SLC44A5: variants seen among roughly 807,000 people sequenced by gnomAD.
SLC44A5 encodes solute carrier family 44 member 5.
SLC44A5 carries 57 observed loss-of-function variants against 101.8 expected under a neutral mutation model. The observed-to-expected ratio is 0.56, with a 90% CI of 0.45 to 0.70. The LOEUF is 0.70. SLC44A5 is among the 30% of genes least tolerant of loss of function. The probability of loss-of-function intolerance (pLI) is 0.00; values close to 1 mark genes in which losing one functional copy is unlikely to be tolerated. For missense variants in SLC44A5, 737 were observed against 853.1 expected, an observed-to-expected ratio of 0.86 and a Z score of 1.70; for synonymous variants, 281 against 290.9, an observed-to-expected ratio of 0.97 and a Z score of 0.35.
intron 18 of SLC44A5, among the ~76,000 whole-genome samples, chr1:75,216,740 A>G (rs777399568): frequency 1.3e-5 from 2 of 151,948 alleles, no homozygotes; most frequent in Non-Finnish European, 2.9e-5. Context: ...CTCATTGGCC[A>G]TTTGTATATC....
At chr1:75,288,030 C>T (rs1653213970) in intron 5 of SLC44A5, among the ~76,000 whole-genome samples, 1 of 152,120 alleles carries the variant, frequency 6.6e-6, no homozygotes, top group South Asian at 2.1e-4. Flanking sequence ...TGGATGGGGC[C>T]ATGGAGCTTC....
At chr1:75,714,783 T>TGTC in the SLC44A5 span, among the ~76,000 whole-genome samples, 1 of 151,844 alleles carries the variant, frequency 6.6e-6, no homozygotes, top group Non-Finnish European at 1.5e-5. Context: ...TTCAAGCAAT[T>TGTC]CTGCCTCAGC....
chr1:75,285,967 G>T lies in SLC44A5; in HGVS notation c.176-10925C>A, dbSNP rs148834768. Among the ~76,000 whole-genome samples the T allele has an allele frequency of 5.1e-3, 772 of 152,160 alleles. 2 individuals are homozygous for T. The highest frequency in any genetic ancestry group is 8.2e-3 in the Non-Finnish European group (560 of 67,956). ...CTGCAGTTGTTGGGTAGAATTTTCT[G>T]TAAATATCTGTTGAGTCCATTTGTT... On this transcript the variant is annotated intron_variant, in intron 5 of 23. Transcript: ENST00000370859.
intron 6 of SLC44A5, among the ~76,000 whole-genome samples, chr1:75,258,649 A>G (rs796868733): frequency 7.9e-5 from 12 of 152,224 alleles, no homozygotes; most frequent in African/African-American, 2.6e-4. Flanking sequence ...AGAGCAGCAG[A>G]TCTCCCAGCA....
At chr1:75,647,732 A>C in the SLC44A5 span, among the ~76,000 whole-genome samples, 3 of 152,132 alleles carry the variant, frequency 2.0e-5, no homozygotes, top group Admixed American at 6.5e-5. Flanking sequence ...TGGATTGCAG[A>C]CTTGTGTGAG....
At chr1:75,400,226 T>C (rs1662390327) in intron 2 of SLC44A5, among the ~76,000 whole-genome samples, 1 of 152,176 alleles carries the variant, frequency 6.6e-6, no homozygotes, top group Non-Finnish European at 1.5e-5. Context: ...ACAAACAACA[T>C]ATTAGGTACT....
chr1:75,586,183 A>G (rs944051138), intron 1 of SLC44A5, among the ~76,000 whole-genome samples: 1 of 152,106 alleles, frequency 6.6e-6, no homozygotes, highest in Admixed American at 6.6e-5. Context: ...AACAAAAAGG[A>G]GAAGTAAGGG....
chr1:75,336,314 C>A (rs145988265), intron 4 of SLC44A5, among the ~76,000 whole-genome samples: 1 of 152,100 alleles, frequency 6.6e-6, no homozygotes, highest in East Asian at 2.0e-4. Context: ...CCACCACACC[C>A]GGCTACTTTT....
intron 1 of SLC44A5, among the ~76,000 whole-genome samples, chr1:75,573,636 A>G (rs924623998): frequency 6.6e-6 from 1 of 152,292 alleles, no homozygotes. Flanking sequence ...ACTAAAAGTG[A>G]CAATGATTAT....
intron 1 of SLC44A5, among the ~76,000 whole-genome samples, chr1:75,607,848 T>C (rs926438463): frequency 6.6e-6 from 1 of 152,046 alleles, no homozygotes; most frequent in African/African-American, 2.4e-5. Flanking sequence ...TTAAACCTCT[T>C]TCCTTTATAA....
At chr1:75,227,682 C>G (rs771672292) in intron 13 of SLC44A5, 44 bp downstream of exon 13, 1 of 1,477,620 alleles carries the variant, frequency 6.8e-7, no homozygotes, top group South Asian at 1.4e-5. Flanking sequence ...AAGATATTTT[C>G]TCATTATTAC....
At chr1:75,429,073 C>T (rs539455983) in intron 2 of SLC44A5, among the ~76,000 whole-genome samples, 2 of 152,304 alleles carry the variant, frequency 1.3e-5, no homozygotes, top group East Asian at 1.9e-4. Context: ...GCCTGAGCTC[C>T]ATCCTTAGGG....
intron 7 of SLC44A5, among the ~76,000 whole-genome samples, chr1:75,249,010 T>C (rs1184619614): frequency 6.6e-6 from 1 of 152,018 alleles, no homozygotes; most frequent in East Asian, 1.9e-4. Flanking sequence ...AAAAGAATTA[T>C]TGGAGTTGCA....
At chr1:75,626,213 G>C in the SLC44A5 span, among the ~76,000 whole-genome samples, 48 of 152,230 alleles carry the variant, frequency 3.2e-4, 1 homozygote, top group South Asian at 9.5e-3. Context: ...GACCAGAGAA[G>C]GTCAGTGATC....
At chr1:75,358,696 AT>A (rs1293034361) in intron 3 of SLC44A5, among the ~76,000 whole-genome samples, 10 of 152,130 alleles carry the variant, frequency 6.6e-5, no homozygotes, top group East Asian at 1.9e-4. Context: ...TAATTGAATA[AT>A]TTTTTATTAA....
chr1:75,555,396 C>T (rs1195532817), intron 1 of SLC44A5, among the ~76,000 whole-genome samples: 1 of 151,950 alleles, frequency 6.6e-6, no homozygotes, highest in Non-Finnish European at 1.5e-5. Context: ...TTGACCTGTA[C>T]ACTTTGAATA....
At chr1:75,227,157 A>T (rs559101860) in intron 13 of SLC44A5, among the ~76,000 whole-genome samples, 143 of 152,222 alleles carry the variant, frequency 9.4e-4, no homozygotes, top group Middle Eastern at 3.4e-3. Flanking sequence ...TTGAGCCCAG[A>T]AATTCAAGAC....
intron 2 of SLC44A5, among the ~76,000 whole-genome samples, chr1:75,452,539 C>A (rs1665963876): frequency 6.6e-6 from 1 of 152,212 alleles, no homozygotes; most frequent in African/African-American, 2.4e-5. Context: ...GGATCAAAAC[C>A]TCACATATCA....
At chr1:75,694,312 T>A in the SLC44A5 span, among the ~76,000 whole-genome samples, 1 of 103,438 alleles carries the variant, frequency 9.7e-6, no homozygotes, top group Non-Finnish European at 2.2e-5. Flanking sequence ...GAGGTGGTAA[T>A]GAGAGTTTGT....
Sources: allele counts gnomAD v4.1 joint callset (sites outside exome capture counted in the v4.1 genomes callset), GRCh38; gene constraint gnomAD v4.1.1; transcripts MANE v1.5; gene names NCBI Gene and HGNC (gene_info 2026-07-23, HGNC 2026-07-21).